Variants in AP5M1 observed in about 807,000 individuals in gnomAD.
AP5M1 encodes the protein adaptor related protein complex 5 subunit mu 1, also known as AP-5 complex subunit mu-1.
Under a neutral mutation model 52.3 loss-of-function variants are expected in AP5M1, and 44 were observed. The ratio of observed to expected loss-of-function variants is 0.84; its 90% confidence interval spans 0.66 to 1.08. The LOEUF is 1.08. AP5M1 is among the 50% of genes least tolerant of loss of function. The pLI is 0.00. For synonymous variants in AP5M1, 213 were observed against 199.0 expected (o/e 1.07, Z -0.59); for missense variants, 526 against 568.4 (o/e 0.93, Z 0.76).
At position 57,296,563 on chromosome 14, in the gene AP5M1, T is replaced by C. The variant is rs941714676; in HGVS notation, c.*7679T>C. The C allele has an allele frequency of 2.0e-5, 3 of 152,150 alleles. No homozygotes were observed. Among genetic ancestry groups the C allele is most frequent in the Admixed American group, 6.6e-5 (1 of 15,248 alleles). 9.4% of individuals were successfully genotyped at this position (152,150 alleles called of 1,614,324 possible). On this transcript the variant is annotated 3_prime_UTR_variant, in exon 8 of 8. Coordinates refer to ENST00000261558, the MANE Select transcript of AP5M1 (RefSeq NM_018229.4). ...CTGCTTTTGCTAAGGCAATAATCAG[T>C]AGAAGTGGTTAGTAATATTTGTAGC...
Position 57,294,262 on chromosome 14 carries a change from T to G in AP5M1, c.*5378T>G, listed in dbSNP as rs1885503529. 1 of 151,874 alleles carries G rather than the reference T, an allele frequency of 6.6e-6. No individual in the cohort carries two copies. Among genetic ancestry groups the G allele is most frequent in the African/African-American group, 2.4e-5 (1 of 41,434 alleles). The allele number at this position is 151,874 out of a possible 1,614,324, so 9.4% of individuals were successfully genotyped here. ...GCTGAATTTTTTTTCCAGTAGGATG[T>G]GAAATTTTGCACTTCTAATCTGTTG... On this transcript the variant is annotated 3_prime_UTR_variant, in exon 8 of 8. Coordinates refer to ENST00000261558, the MANE Select transcript of AP5M1 (RefSeq NM_018229.4).
chr14:57,294,737 A>G lies in AP5M1; in HGVS notation c.*5853A>G, dbSNP rs939579044. On this transcript the variant is annotated 3_prime_UTR_variant, in exon 8 of 8. Transcript: ENST00000261558. Reference sequence around the variant, plus strand: ...CAGAAAGGAGATTGGGAAAATAGCTATTTTGAAAGTTATTGCAGATGTAGG... The same window carrying G: ...CAGAAAGGAGATTGGGAAAATAGCTGTTTTGAAAGTTATTGCAGATGTAGG... 4.5e-4 allele frequency: 68 copies of G among 151,970 alleles called. No individual in the cohort carries two copies. Among genetic ancestry groups the G allele is most frequent in the African/African-American group, 1.5e-3 (63 of 41,524 alleles). The allele number at this position is 151,970 out of a possible 1,614,324, so 9.4% of individuals were successfully genotyped here.
At position 57,297,612 on chromosome 14, in the gene AP5M1, A is replaced by G. The variant is rs558140699; in HGVS notation, c.*8728A>G. The G allele has an allele frequency of 6.6e-6, 1 of 152,110 alleles. No homozygotes were observed. Among genetic ancestry groups the G allele is most frequent in the Admixed American group, 6.6e-5 (1 of 15,236 alleles). 9.4% of individuals were successfully genotyped at this position (152,110 alleles called of 1,614,324 possible). A position where few individuals can be genotyped will look rare whatever the true frequency, so the allele number is the denominator to read the frequency against. Reference sequence around the variant, plus strand: ...TGCATGTGTGGAAAACAAGAAAAATACAAGCTCTAGAGTAGTGGCCTCACA... The same window carrying G: ...TGCATGTGTGGAAAACAAGAAAAATGCAAGCTCTAGAGTAGTGGCCTCACA... On this transcript the variant is annotated 3_prime_UTR_variant, in exon 8 of 8. Coordinates refer to ENST00000261558, the MANE Select transcript of AP5M1 (RefSeq NM_018229.4).
In AP5M1 at chr14:57,291,622, A is replaced by T. The variant is rs937453036; in HGVS notation, c.*2738A>T. On this transcript the variant is annotated 3_prime_UTR_variant, in exon 8 of 8. Coordinates refer to ENST00000261558, the MANE Select transcript of AP5M1 (RefSeq NM_018229.4). ...CTGATGACAATTATTTGTTTAAAAA[A>T]TTTTTTTTATTAAACATTAGTCTGT... 12 of 151,662 alleles carry T rather than the reference A, an allele frequency of 7.9e-5. No individual in the cohort carries two copies. Among genetic ancestry groups the T allele is most frequent in the East Asian group, 1.9e-4 (1 of 5,178 alleles). The allele number at this position is 151,662 out of a possible 1,614,324, so 9.4% of individuals were successfully genotyped here.
At chr14:57,273,594 C>A in intron 1 of AP5M1, 1 of 578,930 alleles carries the variant, frequency 1.7e-6, no homozygotes, top group South Asian at 2.3e-5. Flanking sequence ...GCTTACAGTT[C>A]AACTCAGAAT....
chr14:57,286,790 C>CTT (rs1007317776), intron 7 of AP5M1, among the ~76,000 whole-genome samples: 9 of 151,972 alleles, frequency 5.9e-5, no homozygotes, highest in African/African-American at 2.2e-4. Flanking sequence ...TAGTATGATG[C>CTT]TTAGTGTATA....
intron 1 of AP5M1, among the ~76,000 whole-genome samples, chr14:57,270,448 G>GA (rs1351713399): frequency 5.3e-5 from 8 of 151,766 alleles, no homozygotes; most frequent in South Asian, 2.1e-4. Context: ...GATTGAGGCA[G>GA]AAAAAAAAGA....
intron 6 of AP5M1, among the ~76,000 whole-genome samples, chr14:57,284,432 T>A (rs963211131): frequency 3.9e-5 from 6 of 152,164 alleles, no homozygotes; most frequent in African/African-American, 1.4e-4. Flanking sequence ...TGAATGTTAA[T>A]CTGGAATGGA....
At position 57,296,758 on chromosome 14, in the gene AP5M1, T is replaced by C. The variant is rs1429829282; in HGVS notation, c.*7874T>C. ...TGGAATTTAGAACTGCTGAGCAATA[T>C]GGTTGAGAGGGAGACCTTAATTTAG... On this transcript the variant is annotated 3_prime_UTR_variant, in exon 8 of 8. Transcript: ENST00000261558. 1.3e-5 allele frequency: 2 copies of C among 152,060 alleles called. No homozygotes were observed. The highest frequency in any genetic ancestry group is 1.5e-5 in the Non-Finnish European group (1 of 67,986). The allele number at this position is 152,060 out of a possible 1,614,324, so 9.4% of individuals were successfully genotyped here. A position where few individuals can be genotyped will look rare whatever the true frequency, so the allele number is the denominator to read the frequency against.
At position 57,283,014 on chromosome 14, in the gene AP5M1, T is replaced by C. The variant is rs546712232; in HGVS notation, c.1169T>C (p.Ile390Thr). 2.3e-5 allele frequency: 37 copies of C among 1,595,526 alleles called. No homozygotes were observed. The South Asian group carries it at 4.1e-4, about 18-fold the overall frequency. The change falls in exon 5 of 8, where the codon ATT becomes ACT. Residue 390 changes from isoleucine to threonine, a missense_variant. Ile to Thr is a moderately conservative substitution (Grantham distance 89). Coordinates refer to ENST00000261558, the MANE Select transcript of AP5M1 (RefSeq NM_018229.4). ...CGAGAGAAAAGCTTATTGATCTGGATTATTGGTGAGCAAGTTTTATTTATT... is the reference window on the plus strand; with the variant it reads ...CGAGAGAAAAGCTTATTGATCTGGACTATTGGTGAGCAAGTTTTATTTATT... ...VFREKSLLIW[I>T]IGQKFPKSME...
At chr14:57,274,114 G>A (rs190408765) in intron 1 of AP5M1, 130 bp from the exon 2 acceptor site, 7 of 983,154 alleles carry the variant, frequency 7.1e-6, no homozygotes, top group East Asian at 2.6e-5. Flanking sequence ...GTGGATGTGT[G>A]TATATATTTG....
intron 1 of AP5M1, among the ~76,000 whole-genome samples, chr14:57,273,497 G>T (rs1436869251): frequency 6.6e-6 from 1 of 152,120 alleles, no homozygotes; most frequent in African/African-American, 2.4e-5. Flanking sequence ...ACATATTTTG[G>T]AATTGAGAAA....
chr14:57,273,764 A>G (rs549162430), intron 1 of AP5M1: 23 of 701,220 alleles, frequency 3.3e-5, no homozygotes, highest in Middle Eastern at 2.3e-4. Flanking sequence ...AGTAGAATAG[A>G]ACATTCCTTT....
At chr14:57,284,737 C>T (rs1035392634) in intron 6 of AP5M1, among the ~76,000 whole-genome samples, 3 of 151,986 alleles carry the variant, frequency 2.0e-5, no homozygotes, top group Non-Finnish European at 2.9e-5. Flanking sequence ...AGGGTAGAGA[C>T]GTGAATCTCA....
At chr14:57,280,154 C>A in intron 2 of AP5M1, 41 bp from the exon 3 acceptor site, 1 of 1,452,706 alleles carries the variant, frequency 6.9e-7, no homozygotes, top group Non-Finnish European at 9.7e-7. Flanking sequence ...CAGACATTTG[C>A]TTCTGAGATT....
rs908569419 is a variant in AP5M1 at position 57,297,825 on chromosome 14, A to C, written c.*8941A>C. 5.9e-5 allele frequency: 9 copies of C among 152,160 alleles called. No individual in the cohort carries two copies. The highest frequency in any genetic ancestry group is 8.8e-5 in the Non-Finnish European group (6 of 68,030). The allele number at this position is 152,160 out of a possible 1,614,324, so 9.4% of individuals were successfully genotyped here. A position where few individuals can be genotyped will look rare whatever the true frequency, so the allele number is the denominator to read the frequency against. On this transcript the variant is annotated 3_prime_UTR_variant, in exon 8 of 8. Coordinates refer to ENST00000261558, the MANE Select transcript of AP5M1 (RefSeq NM_018229.4). The stretch of plus-strand genomic sequence containing the variant: ...ACAAAACAGATTGTCCTGTCACCTA[A>C]AACAAATTAGTGATGTTTGAGTAAT...
At chr14:57,272,896 TTTGC>T (rs1224152468) in intron 1 of AP5M1, among the ~76,000 whole-genome samples, 13 of 150,860 alleles carry the variant, frequency 8.6e-5, no homozygotes, top group Non-Finnish European at 1.3e-4. Context: ...TGTTTGTTTG[TTTGC>T]TTGCTTGCTT....
At chr14:57,282,694 G>A (rs188003764) in intron 4 of AP5M1, among the ~76,000 whole-genome samples, 4 of 152,134 alleles carry the variant, frequency 2.6e-5, no homozygotes, top group South Asian at 2.1e-4. Context: ...AATACATTTC[G>A]TATGATTTCA....
intron 7 of AP5M1, among the ~76,000 whole-genome samples, chr14:57,287,753 A>G (rs928058255): frequency 6.6e-6 from 1 of 152,168 alleles, no homozygotes; most frequent in East Asian, 1.9e-4. Context: ...ATCTATTTTC[A>G]TAATATACAA....
Sources: gnomAD v4.1 joint callset for allele counts (sites outside exome capture counted in the v4.1 genomes callset) on GRCh38, gnomAD v4.1.1 for gene constraint, MANE v1.5 for transcripts, NCBI Gene and HGNC (gene_info 2026-07-23, HGNC 2026-07-21) for gene names.